Variants in ELMO1 observed in about 807,000 individuals in gnomAD.
ELMO1 encodes engulfment and cell motility 1, also known as engulfment and cell motility protein 1.
In ELMO1, 26 loss-of-function variants were observed where a neutral mutation model predicts 98.9. The observed-to-expected ratio is 0.26, with a 90% CI of 0.19 to 0.36. The LOEUF (loss-of-function observed/expected upper bound fraction) is 0.36. Among genes scored for constraint, ELMO1 ranks in the 10% least tolerant of loss-of-function variants. ELMO1 has a pLI of 1.00. For missense variants in ELMO1, 627 were observed against 935.2 expected (o/e 0.67, Z 4.30); for synonymous variants, 346 against 346.0 (o/e 1.00, Z 0.00).
At chr7:37,055,433 C>G (rs1401951416) in intron 15 of ELMO1, among the ~76,000 whole-genome samples, 1 of 152,142 alleles carries the variant, frequency 6.6e-6, no homozygotes, top group East Asian at 1.9e-4. Flanking sequence ...ATTATGCAAA[C>G]TTCAGACTTT....
At chr7:37,358,468 G>A (rs1349158277) in intron 1 of ELMO1, among the ~76,000 whole-genome samples, 1 of 152,178 alleles carries the variant, frequency 6.6e-6, no homozygotes, top group East Asian at 1.9e-4. Flanking sequence ...AGGCCATCTT[G>A]CATCTTATTG....
In ELMO1 at chr7:36,896,802, T is replaced by G. The variant is rs1584330412; in HGVS notation, c.1438-1785A>C. On this transcript the variant is annotated intron_variant, in intron 16 of 21. Transcript: ENST00000310758. ...TTTGGTCAAGGTTGAACTATAATGC[T>G]TTGCTGTATCATATGACGGGCACCA... Among the ~76,000 whole-genome samples the G allele has an allele frequency of 2.0e-5, 3 of 152,332 alleles. No individual in the cohort carries two copies. In the South Asian group the frequency reaches 6.2e-4, roughly 32 times the overall value.
At chr7:36,926,475 T>C (rs1204718353) in intron 16 of ELMO1, among the ~76,000 whole-genome samples, 1 of 152,090 alleles carries the variant, frequency 6.6e-6, no homozygotes, top group Non-Finnish European at 1.5e-5. Context: ...GCGACCCCCC[T>C]AGAGTCCCAT....
chr7:37,100,435 A>G (rs950855436), intron 14 of ELMO1, among the ~76,000 whole-genome samples: 2 of 151,470 alleles, frequency 1.3e-5, no homozygotes, highest in African/African-American at 4.9e-5. Context: ...CTTGGGCATG[A>G]CCATGAAGTG....
chr7:37,166,877 A>G (rs2129699059), intron 13 of ELMO1, among the ~76,000 whole-genome samples: 1 of 152,230 alleles, frequency 6.6e-6, no homozygotes, highest in African/African-American at 2.4e-5. Flanking sequence ...AGCTGAGTTC[A>G]ATTCCTGGAT....
chr7:37,326,902 A>T (rs192532799), intron 2 of ELMO1, among the ~76,000 whole-genome samples: 2 of 152,368 alleles, frequency 1.3e-5, no homozygotes, highest in Admixed American at 1.3e-4. Flanking sequence ...TAATGACAGA[A>T]CTATAGAGAT....
At chr7:36,883,941 T>G (rs1171845272) in intron 18 of ELMO1, among the ~76,000 whole-genome samples, 1 of 152,174 alleles carries the variant, frequency 6.6e-6, no homozygotes, top group Non-Finnish European at 1.5e-5. Flanking sequence ...GAGCTTATAC[T>G]TCGTGGTCAA....
chr7:37,098,174 G>A (rs1299015335), intron 14 of ELMO1, among the ~76,000 whole-genome samples: 1 of 152,162 alleles, frequency 6.6e-6, no homozygotes, highest in African/African-American at 2.4e-5. Context: ...GTGACTCACT[G>A]TTTTGTCACC....
chr7:37,119,635 TG>T (rs1785865960), intron 14 of ELMO1, among the ~76,000 whole-genome samples: 1 of 152,206 alleles, frequency 6.6e-6, no homozygotes, highest in Non-Finnish European at 1.5e-5. Flanking sequence ...GAAACAATCT[TG>T]AGAAAACAAT....
At chr7:37,090,519 C>T (rs1246267221) in intron 15 of ELMO1, among the ~76,000 whole-genome samples, 14 of 152,176 alleles carry the variant, frequency 9.2e-5, no homozygotes. Flanking sequence ...TGCTTCCTCC[C>T]TCAAACCCTC....
chr7:37,200,705 C>T (rs1041334354), intron 13 of ELMO1, among the ~76,000 whole-genome samples: 1 of 152,142 alleles, frequency 6.6e-6, no homozygotes, highest in Non-Finnish European at 1.5e-5. Context: ...ATGGCTCACA[C>T]CTGTAATCCA....
At chr7:36,860,483 G>A (rs1187595778) in intron 21 of ELMO1, among the ~76,000 whole-genome samples, 1 of 152,196 alleles carries the variant, frequency 6.6e-6, no homozygotes, top group Non-Finnish European at 1.5e-5. Flanking sequence ...TCTCTTCATT[G>A]TATCTATAAG....
intron 15 of ELMO1, chr7:37,033,250 C>T: frequency 2.6e-6 from 1 of 390,004 alleles, no homozygotes; most frequent in Non-Finnish European, 5.2e-6. Flanking sequence ...CGCAGACGGG[C>T]TAAGTCCAAA....
chr7:37,142,966 T>C (rs1206447952), intron 13 of ELMO1, among the ~76,000 whole-genome samples: 1 of 152,178 alleles, frequency 6.6e-6, no homozygotes, highest in African/African-American at 2.4e-5. Flanking sequence ...AGCCTCCTTT[T>C]ATCAATCACA....
At chr7:37,188,611 T>G (rs1331023702) in intron 13 of ELMO1, among the ~76,000 whole-genome samples, 1 of 151,754 alleles carries the variant, frequency 6.6e-6, no homozygotes, top group East Asian at 1.9e-4. Flanking sequence ...GAGTTTTTTT[T>G]AAAACCATAA....
intron 20 of ELMO1, 127 bp from the exon 21 acceptor site, chr7:36,861,863 C>T (rs1802658516): frequency 2.4e-6 from 2 of 829,006 alleles, no homozygotes; most frequent in South Asian, 1.5e-5. Flanking sequence ...TGCAATGAGG[C>T]TGATGGAAGG....
At chr7:37,044,805 T>G (rs1795709106) in intron 15 of ELMO1, among the ~76,000 whole-genome samples, 1 of 152,250 alleles carries the variant, frequency 6.6e-6, no homozygotes, top group Non-Finnish European at 1.5e-5. Flanking sequence ...GGATGTTTGT[T>G]TGGCTTCCAT....
Position 37,023,533 on chromosome 7 carries a change from G to A in ELMO1, c.1301-10098C>T, listed in dbSNP as rs185455121. On this transcript the variant is annotated intron_variant, in intron 15 of 21. Transcript: ENST00000310758. ...CACCTAACTGCTATCAGCTTCTGAA[G>A]TTGGGCAGGGGGTACCTCTCCATAC... 3.9e-5 allele frequency among the ~76,000 whole-genome samples: 6 copies of A among 152,232 alleles called. No individual in the cohort carries two copies. The East Asian group carries it at 1.2e-3, about 29-fold the overall frequency.
At position 37,013,350 on chromosome 7, in the gene ELMO1, G is replaced by A. The variant is rs1562896481; in HGVS notation, c.1386C>T (p.Leu462=). The A allele has an allele frequency of 6.2e-7, 1 of 1,614,102 alleles. No individual in the cohort carries two copies. The highest frequency in any genetic ancestry group is 8.5e-7 in the Non-Finnish European group (1 of 1,180,002). The change falls in exon 16 of 22, where the codon CTC becomes CTT. Residue 462 remains leucine (L), a synonymous_variant. Transcript: ENST00000310758. ...FEEFFCICIQ[L]LNKTWKEMRA... ...TCATTTCCTTCCATGTCTTGTTCAG[G>A]AGCTGGATACAGATGCAGAAAAACT...
Sources: gnomAD v4.1 joint callset for allele counts (sites outside exome capture counted in the v4.1 genomes callset) on GRCh38, gnomAD v4.1.1 for gene constraint, MANE v1.5 for transcripts, NCBI Gene and HGNC (gene_info 2026-07-23, HGNC 2026-07-21) for gene names.